IPO11: variants seen among roughly 807,000 people sequenced by gnomAD.
The protein encoded by IPO11 is importin-11.
A neutral mutation model predicts 143.2 loss-of-function variants in IPO11; 66 were observed. The ratio of observed to expected loss-of-function variants is 0.46; its 90% confidence interval spans 0.38 to 0.57. The LOEUF is 0.57. IPO11 is among the 20% of genes least tolerant of loss of function. IPO11 has a pLI of 0.00. For missense variants in IPO11, 1,026 were observed against 1,141.0 expected (o/e 0.90, Z 1.45); for synonymous variants, 385 against 377.8 (o/e 1.02, Z -0.22).
At chr5:62,469,270 A>T (rs1379285981) in intron 6 of IPO11, among the ~76,000 whole-genome samples, 1 of 152,064 alleles carries the variant, frequency 6.6e-6, no homozygotes, top group Non-Finnish European at 1.5e-5. Flanking sequence ...AACGAGGAAA[A>T]CTTACTGCAT....
At chr5:62,426,389 A>G (rs1030209296) in intron 1 of IPO11, among the ~76,000 whole-genome samples, 7 of 151,082 alleles carry the variant, frequency 4.6e-5, no homozygotes, top group African/African-American at 1.7e-4. Flanking sequence ...CTCTGTCTCA[A>G]AACAGACAAA....
At chr5:62,425,901 C>T (rs765831025) in intron 1 of IPO11, among the ~76,000 whole-genome samples, 26 of 152,094 alleles carry the variant, frequency 1.7e-4, no homozygotes, top group Non-Finnish European at 2.6e-4. Flanking sequence ...TTTAAACTAT[C>T]GTCTTTATAA....
intron 19 of IPO11, among the ~76,000 whole-genome samples, chr5:62,513,154 G>C (rs1275320064): frequency 6.6e-6 from 1 of 151,134 alleles, no homozygotes; most frequent in Admixed American, 6.6e-5. Context: ...CTTCCCAGTA[G>C]GGGCGGCCGG....
At chr5:62,572,330 C>T (rs1313209205) in intron 27 of IPO11, among the ~76,000 whole-genome samples, 1 of 152,080 alleles carries the variant, frequency 6.6e-6, no homozygotes, top group African/African-American at 2.4e-5. Context: ...TGTCCTTTCT[C>T]TAGAAATCAA....
intron 20 of IPO11, among the ~76,000 whole-genome samples, chr5:62,524,417 T>A (rs1220668570): frequency 6.6e-6 from 1 of 152,150 alleles, no homozygotes; most frequent in Non-Finnish European, 1.5e-5. Context: ...AATACACATT[T>A]AAGTAAGTAG....
At position 62,627,242 on chromosome 5, in the gene IPO11, A is replaced by G. The variant is rs746593562; in HGVS notation, c.2852A>G (p.Gln951Arg). The G allele has an allele frequency of 6.2e-7, 1 of 1,614,132 alleles. No homozygotes were observed. The highest frequency in any genetic ancestry group is 1.1e-5 in the South Asian group (1 of 91,080). ...GCACAGCAGGAGATGCTAGGAGAAC[A>G]AGGTTTCCAGTCCCTCATGGAAACA... ...LKAQQEMLGE[Q>R]GFQSLMETVD... The change falls in exon 30 of 30, where the codon CAA (glutamine) becomes CGA (arginine). Residue 951 changes from glutamine (Q) to arginine (R), a missense_variant. Physicochemically the swap from Gln to Arg is conservative, Grantham distance 43. Coordinates refer to ENST00000325324, the MANE Select transcript of IPO11 (RefSeq NM_016338.5).
At chr5:62,557,841 C>A (rs1743630148) in intron 26 of IPO11, among the ~76,000 whole-genome samples, 1 of 152,218 alleles carries the variant, frequency 6.6e-6, no homozygotes, top group African/African-American at 2.4e-5. Context: ...GTTTGCTGCA[C>A]TGTCCGTACC....
chr5:62,433,106 C>A (rs987283460), intron 1 of IPO11, among the ~76,000 whole-genome samples: 1 of 150,578 alleles, frequency 6.6e-6, no homozygotes, highest in Non-Finnish European at 1.5e-5. Context: ...TATTTTGGAA[C>A]ACTCTTCTTC....
At chr5:62,489,126 T>C (rs537049168) in intron 13 of IPO11, among the ~76,000 whole-genome samples, 176 bp from the exon 14 acceptor site, 2 of 152,368 alleles carry the variant, frequency 1.3e-5, no homozygotes, top group East Asian at 3.9e-4. Flanking sequence ...CTGTGTTCTC[T>C]AATGATAATC....
chr5:62,425,782 A>G (rs1217159855), intron 1 of IPO11, among the ~76,000 whole-genome samples: 1 of 152,222 alleles, frequency 6.6e-6, no homozygotes, highest in Admixed American at 6.5e-5. Context: ...TATGTGATAC[A>G]AGTGTACACA....
At position 62,523,321 on chromosome 5, in the gene IPO11, C is replaced by T. The variant is rs145441271; in HGVS notation, c.1897-2821C>T. Among the ~76,000 whole-genome samples, 152 of 152,210 alleles carry T rather than the reference C, an allele frequency of 1.0e-3. 1 individual carries two copies. Among genetic ancestry groups the T allele is most frequent in the African/African-American group, 3.7e-3 (152 of 41,534 alleles). ...TCTCCAGATGTTAACATAGTGATTT[C>T]TAACACTGTGCATTATTTGGTATAG... On this transcript the variant is annotated intron_variant, in intron 20 of 29. Coordinates refer to ENST00000325324, the MANE Select transcript of IPO11 (RefSeq NM_016338.5).
intron 27 of IPO11, among the ~76,000 whole-genome samples, chr5:62,563,557 A>C (rs1743841804): frequency 6.6e-6 from 1 of 152,116 alleles, no homozygotes; most frequent in Admixed American, 6.6e-5. Flanking sequence ...CCTTTATCTA[A>C]AATGTTTCTT....
intron 1 of IPO11, among the ~76,000 whole-genome samples, chr5:62,428,119 C>G (rs983902553): frequency 1.3e-5 from 2 of 152,154 alleles, no homozygotes; most frequent in Non-Finnish European, 2.9e-5. Context: ...TGCCAGAAGT[C>G]TTACATTCTT....
intron 24 of IPO11, among the ~76,000 whole-genome samples, chr5:62,541,455 G>A (rs796497417): frequency 2.0e-5 from 3 of 152,068 alleles, no homozygotes; most frequent in African/African-American, 4.8e-5. Context: ...TGAGGCAGGC[G>A]GATCACTTGA....
intron 20 of IPO11, among the ~76,000 whole-genome samples, chr5:62,518,976 C>T (rs1742120338): frequency 6.6e-6 from 1 of 151,946 alleles, no homozygotes; most frequent in Admixed American, 6.6e-5. Flanking sequence ...TGTTAATTGC[C>T]CTTTTAGCAA....
intron 1 of IPO11, among the ~76,000 whole-genome samples, chr5:62,414,159 A>G (rs1743212336): frequency 6.6e-6 from 1 of 152,250 alleles, no homozygotes; most frequent in Non-Finnish European, 1.5e-5. Flanking sequence ...TTAAACAAAT[A>G]TGTAAAGATT....
rs765905980 is a variant in IPO11 at position 62,550,346 on chromosome 5, ATCTT to A, written c.2251-13_2251-10del. 6.7e-5 allele frequency: 104 copies of A among 1,553,666 alleles called. No homozygotes were observed. Among genetic ancestry groups the A allele is most frequent in the Admixed American group, 4.9e-4 (29 of 58,994 alleles). Reference sequence around the variant, plus strand: ...GCAATGACTTGCAGTATTATCACCAATCTTTCTTTCTGGTTTTTAGGTTGTGGAA... The same window carrying A: ...GCAATGACTTGCAGTATTATCACCAATCTTTCTGGTTTTTAGGTTGTGGAA... On this transcript the variant is annotated splice_polypyrimidine_tract_variant and intron_variant, in intron 24 of 29. Transcript: ENST00000325324.
At chr5:62,513,184 C>T (rs1370546424) in intron 19 of IPO11, among the ~76,000 whole-genome samples, 1 of 151,690 alleles carries the variant, frequency 6.6e-6, no homozygotes, top group African/African-American at 2.4e-5. Context: ...CCCCTCAGCT[C>T]CCGGACCGGG....
chr5:62,547,587 C>T (rs971543866), intron 24 of IPO11, among the ~76,000 whole-genome samples: 9 of 152,090 alleles, frequency 5.9e-5, no homozygotes, highest in South Asian at 2.1e-4. Context: ...TCTCTAGCTA[C>T]GGTTCCAGAC....
Sources: gnomAD v4.1 joint callset for allele counts (sites outside exome capture counted in the v4.1 genomes callset) on GRCh38, gnomAD v4.1.1 for gene constraint, MANE v1.5 for transcripts, NCBI Gene and HGNC (gene_info 2026-07-23, HGNC 2026-07-21) for gene names.